SLC8A1: variants seen among roughly 807,000 people sequenced by gnomAD.
The protein encoded by SLC8A1 is sodium/calcium exchanger 1.
A neutral mutation model predicts 68.3 loss-of-function variants in SLC8A1; 18 were observed. The observed-to-expected ratio is 0.26, with a 90% CI of 0.18 to 0.39. The LOEUF (loss-of-function observed/expected upper bound fraction) is 0.39, where lower values mean the gene tolerates loss of function less well. SLC8A1 is among the 10% of genes least tolerant of loss of function. SLC8A1 has a pLI of 1.00. For missense variants in SLC8A1, 985 were observed against 1,156.7 expected (o/e 0.85, Z 2.15); for synonymous variants, 475 against 415.5 (o/e 1.14, Z -1.74).
At chr2:40,357,450 T>A (rs1232443995) in intron 2 of SLC8A1, among the ~76,000 whole-genome samples, 1 of 143,622 alleles carries the variant, frequency 7.0e-6, no homozygotes, top group Non-Finnish European at 1.5e-5. Context: ...TGTGCTATGA[T>A]CATGCCACTG....
At chr2:40,477,203 T>C (rs922353515) in intron 1 of SLC8A1, among the ~76,000 whole-genome samples, 1 of 152,018 alleles carries the variant, frequency 6.6e-6, no homozygotes, top group Non-Finnish European at 1.5e-5. Context: ...TCTTTTTCAG[T>C]TTATTTTTAG....
chr2:40,169,633 C>T (rs564833899), intron 4 of SLC8A1, among the ~76,000 whole-genome samples: 9 of 152,132 alleles, frequency 5.9e-5, no homozygotes, highest in Non-Finnish European at 1.2e-4. Flanking sequence ...GGAAGAAATA[C>T]AGCTCAGCTT....
At chr2:40,380,691 G>C (rs563229241) in intron 2 of SLC8A1, among the ~76,000 whole-genome samples, 7 of 151,994 alleles carry the variant, frequency 4.6e-5, no homozygotes, top group African/African-American at 1.2e-4. Flanking sequence ...CACTTACTGC[G>C]ATTTCAAAGA....
chr2:40,129,415 T>C (rs894734167), intron 7 of SLC8A1, among the ~76,000 whole-genome samples: 51 of 152,048 alleles, frequency 3.4e-4, no homozygotes, highest in Admixed American at 3.3e-3. Flanking sequence ...CTTTTTTTTT[T>C]TGTAGACACA....
intron 2 of SLC8A1, among the ~76,000 whole-genome samples, chr2:40,419,223 A>T (rs1303774457): frequency 6.6e-6 from 1 of 152,152 alleles, no homozygotes; most frequent in Non-Finnish European, 1.5e-5. Flanking sequence ...GCCCTTCTGG[A>T]TTCCACCGGC....
At chr2:40,324,909 C>T (rs918204989) in intron 2 of SLC8A1, among the ~76,000 whole-genome samples, 16 of 152,164 alleles carry the variant, frequency 1.1e-4, no homozygotes, top group African/African-American at 3.9e-4. Context: ...CCTTGCAGTG[C>T]AACAACCAAA....
exon 1 of SLC8A1, chr2:40,512,435 G>C (rs146584287): frequency 6.6e-6 from 1 of 152,394 alleles, no homozygotes; most frequent in East Asian, 1.9e-4. Flanking sequence ...TTACCAGAAA[G>C]AAAGGACCTG....
At chr2:40,231,949 A>G (rs898910496) in intron 2 of SLC8A1, among the ~76,000 whole-genome samples, 2 of 152,160 alleles carry the variant, frequency 1.3e-5, no homozygotes, top group Admixed American at 1.3e-4. Context: ...TCGACGAGGA[A>G]CTGGAGGTGT....
intron 2 of SLC8A1, among the ~76,000 whole-genome samples, chr2:40,242,800 T>A (rs1322352299): frequency 6.6e-6 from 1 of 152,210 alleles, no homozygotes; most frequent in Non-Finnish European, 1.5e-5. Context: ...TTTCTAGACT[T>A]GCTTAGAAAA....
intron 2 of SLC8A1, among the ~76,000 whole-genome samples, chr2:40,366,831 A>G (rs1407562490): frequency 6.6e-6 from 1 of 151,824 alleles, no homozygotes. Flanking sequence ...CATTTTATGG[A>G]TATTTTGCCA....
exon 8 of SLC8A1, chr2:40,107,294 A>AAAAAAAAAAAAAAAAAC (rs2034273236): frequency 1.3e-5 from 2 of 149,462 alleles, no homozygotes; most frequent in Non-Finnish European, 3.0e-5. Context: ...AAAAAAAAAA[A>AAAAAAAAAAAAAAAAAC]AAAAAGAAAA....
At chr2:40,342,316 C>T (rs936835188) in intron 2 of SLC8A1, among the ~76,000 whole-genome samples, 1 of 152,116 alleles carries the variant, frequency 6.6e-6, no homozygotes, top group Admixed American at 6.5e-5. Flanking sequence ...CTTACTGGAT[C>T]TCTAATTAAT....
At chr2:40,156,346 C>T (rs1468281775) in intron 6 of SLC8A1, among the ~76,000 whole-genome samples, 1 of 147,646 alleles carries the variant, frequency 6.8e-6, no homozygotes, top group East Asian at 2.0e-4. Flanking sequence ...AGAGACAGAA[C>T]CAAAACTGCT....
chr2:40,139,795 G>C (rs2041216589), intron 6 of SLC8A1, 119 bp from the exon 10 acceptor site: 2 of 1,004,130 alleles, frequency 2.0e-6, no homozygotes, highest in South Asian at 3.2e-5. Context: ...GGCCATGAGA[G>C]GTGGGTGAAG....
intron 2 of SLC8A1, among the ~76,000 whole-genome samples, chr2:40,313,693 G>C: frequency 6.6e-6 from 1 of 152,042 alleles, no homozygotes; most frequent in African/African-American, 2.4e-5. Flanking sequence ...GTGAGTCACA[G>C]TACCTGGATA....
intron 1 of SLC8A1, among the ~76,000 whole-genome samples, chr2:40,434,448 C>T (rs1450347157): frequency 2.6e-5 from 4 of 152,082 alleles, no homozygotes; most frequent in South Asian, 2.1e-4. Flanking sequence ...TTCTTTCTTT[C>T]GGGGTCTTTC....
chr2:40,151,503 T>G lies in SLC8A1; in HGVS notation c.2161+9262A>C, dbSNP rs896343880. Among the ~76,000 whole-genome samples the G allele has an allele frequency of 2.6e-5, 4 of 152,216 alleles. No individual in the cohort carries two copies. In the East Asian group the frequency reaches 5.8e-4, roughly 22 times the overall value. ...GGGCAGATTTGCGGTTGTTGTTGTT[T>G]TTTTTTATTTAGATTCTTCCTACTT... On this transcript the variant is annotated intron_variant, in intron 6 of 7. Transcript: ENST00000406785.
chr2:40,179,161 TA>T (rs1166576250), intron 2 of SLC8A1, among the ~76,000 whole-genome samples: 1 of 152,220 alleles, frequency 6.6e-6, no homozygotes, highest in East Asian at 1.9e-4. Flanking sequence ...TTTGTCTTTC[TA>T]AAGATGGAAG....
At chr2:40,242,624 C>G (rs768875932) in intron 2 of SLC8A1, among the ~76,000 whole-genome samples, 12 of 152,246 alleles carry the variant, frequency 7.9e-5, no homozygotes, top group Non-Finnish European at 1.3e-4. Context: ...GCCACCACTT[C>G]TTTGCATTAG....
Sources: allele counts gnomAD v4.1 joint callset (sites outside exome capture counted in the v4.1 genomes callset), GRCh38; gene constraint gnomAD v4.1.1; transcripts MANE v1.5; gene names NCBI Gene and HGNC (gene_info 2026-07-23, HGNC 2026-07-21).